Variants in BNIP3 observed in about 807,000 individuals in gnomAD.
BNIP3 encodes the protein BCL2/adenovirus E1B 19 kDa protein-interacting protein 3.
A neutral mutation model predicts 23.9 loss-of-function variants in BNIP3; 16 were observed. That is an observed-to-expected ratio of 0.67 (90% CI 0.45 to 1.01). The LOEUF (loss-of-function observed/expected upper bound fraction) is 1.01. BNIP3 is among the 50% of genes least tolerant of loss of function. The pLI is 0.00. For synonymous variants in BNIP3, 81 were observed against 89.3 expected (o/e 0.91, Z 0.53); for missense variants, 198 against 248.7 (o/e 0.80, Z 1.37).
chr10:131,979,518 C>A (rs1564836333), intron 1 of BNIP3, among the ~76,000 whole-genome samples: 1 of 152,086 alleles, frequency 6.6e-6, no homozygotes, highest in Non-Finnish European at 1.5e-5. Flanking sequence ...GGAAGTGATG[C>A]CCCCGCCACC....
chr10:131,976,427 T>C lies in BNIP3; in HGVS notation c.47-2484A>G, dbSNP rs1172780044. Among the ~76,000 whole-genome samples the C allele has an allele frequency of 2.6e-5, 4 of 152,190 alleles. No homozygotes were observed. The highest frequency in any genetic ancestry group is 9.6e-5 in the African/African-American group (4 of 41,454). ...GAATGGGGTGTCCAGGTTACCCGTA[T>C]TTCTGCCAGTGCCTCTACCTACTCA... On this transcript the variant is annotated intron_variant, in intron 1 of 5. Transcript: ENST00000368636. This position sits in a 1 kb window ranked among gnomAD's most constrained non-coding sequence, Gnocchi z 4.3.
intron 3 of BNIP3, chr10:131,971,209 C>CCCA: frequency 1.9e-6 from 1 of 535,742 alleles, no homozygotes; most frequent in Non-Finnish European, 3.4e-6. Flanking sequence ...CTGGGGGAGC[C>CCCA]CCACTCAGGG....
intron 3 of BNIP3, chr10:131,971,611 G>C (rs2037034373): frequency 6.6e-6 from 1 of 152,234 alleles, no homozygotes; most frequent in Admixed American, 6.5e-5. Flanking sequence ...TAAAACTAGG[G>C]GAAGTTTTGT....
intron 1 of BNIP3, among the ~76,000 whole-genome samples, chr10:131,979,977 A>G (rs1315654804): frequency 6.6e-6 from 1 of 152,192 alleles, no homozygotes; most frequent in Non-Finnish European, 1.5e-5. Context: ...AGCCCGCGGG[A>G]CCGGCCAACC....
chr10:131,971,056 G>T, intron 3 of BNIP3, 86 bp from the exon 4 acceptor site: 1 of 1,231,468 alleles, frequency 8.1e-7, no homozygotes, highest in Non-Finnish European at 1.2e-6. Context: ...CTTCAGATCC[G>T]CAGGCTCAAT....
At chr10:131,978,473 G>A (rs370433976) in intron 1 of BNIP3, among the ~76,000 whole-genome samples, 9 of 151,506 alleles carry the variant, frequency 5.9e-5, no homozygotes, top group Non-Finnish European at 1.0e-4. Flanking sequence ...GAATCCCTTC[G>A]ATTCACTGCC....
chr10:131,974,348 G>C (rs1426736645), intron 1 of BNIP3, among the ~76,000 whole-genome samples: 1 of 152,210 alleles, frequency 6.6e-6, no homozygotes, highest in Non-Finnish European at 1.5e-5. Flanking sequence ...GTCAACATAA[G>C]CTTAAGGGAT....
rs1273281393 is a variant in BNIP3, at chr10:131,968,099, T to A, written c.*425A>T. 1 of 156,074 alleles carries A rather than the reference T, an allele frequency of 6.4e-6. No individual in the cohort carries two copies. Among genetic ancestry groups the A allele is most frequent in the Admixed American group, 6.2e-5 (1 of 16,010 alleles). The allele number at this position is 156,074 out of a possible 1,614,324, so 9.7% of individuals were successfully genotyped here. A position where few individuals can be genotyped will look rare whatever the true frequency, so the allele number is the denominator to read the frequency against. On this transcript the variant is annotated 3_prime_UTR_variant, in exon 6 of 6. Transcript: ENST00000368636. ...AGTGTGATATATAAGGCCACAATAT[T>A]TATTTTGGACAAACCCCTTAAAGTA...
chr10:131,979,383 C>T (rs905824916), intron 1 of BNIP3, among the ~76,000 whole-genome samples: 5 of 152,200 alleles, frequency 3.3e-5, no homozygotes, highest in African/African-American at 9.6e-5. Flanking sequence ...AACCATCTGC[C>T]AGTTGCAGAC....
chr10:131,977,686 T>A (rs10781582), intron 1 of BNIP3, among the ~76,000 whole-genome samples: 20,154 of 152,098 alleles, frequency 0.13, 1,511 homozygotes, highest in East Asian at 0.34. Flanking sequence ...AGGCCCACCT[T>A]TTACTACCAT....
chr10:131,981,836 G>T lies in BNIP3; in HGVS notation c.-30C>A. On this transcript the variant is annotated 5_prime_UTR_variant, in exon 1 of 6. Coordinates refer to ENST00000368636, the MANE Select transcript of BNIP3 (RefSeq NM_004052.4). ...CCAGAGGGCAACTGCGGCGATCGGA[G>T]TCCGCGCCGGGCTGCGGGATGTGCT... 1.4e-6 allele frequency: 2 copies of T among 1,434,852 alleles called. No individual in the cohort carries two copies. The highest frequency in any genetic ancestry group is 3.0e-5 in the East Asian group (1 of 33,528). 88.9% of individuals were successfully genotyped at this position (1,434,852 alleles called of 1,614,324 possible). A position where few individuals can be genotyped will look rare whatever the true frequency, so the allele number is the denominator to read the frequency against.
chr10:131,979,468 T>A (rs1180225479), intron 1 of BNIP3, among the ~76,000 whole-genome samples: 1 of 152,192 alleles, frequency 6.6e-6, no homozygotes, highest in African/African-American at 2.4e-5. Context: ...TGCACTTTAC[T>A]GAACTGATGC....
Position 131,970,570 on chromosome 10 carries a change from T to C in BNIP3, c.539+68A>G. The C allele has an allele frequency of 1.3e-6, 2 of 1,559,428 alleles. No homozygotes were observed. Among genetic ancestry groups the C allele is most frequent in the Non-Finnish European group, 1.7e-6 (2 of 1,148,166 alleles). On this transcript the variant is annotated intron_variant, in intron 5 of 5. Coordinates refer to ENST00000368636, the MANE Select transcript of BNIP3 (RefSeq NM_004052.4). The surrounding 1 kb of genome is among the most constrained non-coding windows in gnomAD (Gnocchi z 4.1). ...TGGACTTCAGGAAACAGGTTACGAA[T>C]AAATCACTGCAACCCAGAATCGCCC...
At chr10:131,978,713 G>A (rs1238728422) in intron 1 of BNIP3, among the ~76,000 whole-genome samples, 1 of 152,134 alleles carries the variant, frequency 6.6e-6, no homozygotes, top group Non-Finnish European at 1.5e-5. Flanking sequence ...TGACTATTTG[G>A]GATGCTGGGG....
At chr10:131,980,764 T>A (rs1448811436) in intron 1 of BNIP3, 1 of 152,216 alleles carries the variant, frequency 6.6e-6, no homozygotes, top group Non-Finnish European at 1.5e-5. Flanking sequence ...AAAAGTTCAC[T>A]GTCAGAGGTT....
intron 1 of BNIP3, among the ~76,000 whole-genome samples, chr10:131,979,813 C>T (rs539216703): frequency 6.6e-6 from 1 of 152,352 alleles, no homozygotes; most frequent in East Asian, 1.9e-4. Context: ...AGGGTACACT[C>T]AGAGGAGAGA....
At chr10:131,973,371 C>A in intron 2 of BNIP3, 1 of 512,640 alleles carries the variant, frequency 2.0e-6, no homozygotes, top group Non-Finnish European at 3.5e-6. Flanking sequence ...CTGGCTTTGT[C>A]ACCTGCCGCC....
chr10:131,980,276 C>T (rs1009306299), intron 1 of BNIP3: 1 of 152,106 alleles, frequency 6.6e-6, no homozygotes, highest in African/African-American at 2.4e-5. Flanking sequence ...TCAGGAGTAA[C>T]GCGGCTTCAC....
chr10:131,971,187 G>T lies in BNIP3; in HGVS notation c.283-217C>A, dbSNP rs2037029733. 1.2e-5 allele frequency: 7 copies of T among 566,440 alleles called. No individual in the cohort carries two copies. In the Admixed American group the frequency reaches 1.8e-4, roughly 15 times the overall value. The allele number at this position is 566,440 out of a possible 1,614,324, so 35.1% of individuals were successfully genotyped here. On this transcript the variant is annotated intron_variant, in intron 3 of 5. Transcript: ENST00000368636. The stretch of plus-strand genomic sequence containing the variant: ...TCACAGCACGCTCGCCGCCTCCAGG[G>T]ACAGATCACCTCTGGGGGAGCCCCA...
Sources: gnomAD v4.1 joint callset for allele counts (sites outside exome capture counted in the v4.1 genomes callset) on GRCh38, gnomAD v4.1.1 for gene constraint, Gnocchi (gnomAD v3.1) non-coding constraint, MANE v1.5 for transcripts, NCBI Gene and HGNC (gene_info 2026-07-23, HGNC 2026-07-21) for gene names.